The following WLS variants were observed in gnomAD, a reference collection of about 807,000 sequenced individuals.
WLS encodes the protein Wnt ligand secretion mediator.
In WLS, 23 loss-of-function variants were observed where a neutral mutation model predicts 62.8. That is an observed-to-expected ratio of 0.37 (90% CI 0.26 to 0.52). WLS has a LOEUF of 0.52. Ranked by LOEUF, WLS falls within the 20% of genes least tolerant of loss-of-function variation. The pLI is 0.92. For synonymous variants in WLS, 246 were observed against 244.1 expected, an observed-to-expected ratio of 1.01 and a Z score of -0.07; for missense variants, 615 against 697.3, an observed-to-expected ratio of 0.88 and a Z score of 1.33.
chr1:68,186,415 C>A, intron 2 of WLS: 1 of 350,338 alleles, frequency 2.9e-6, no homozygotes, highest in Non-Finnish European at 5.6e-6. Context: ...TATTATAAAC[C>A]CAAGCTTTAA....
At chr1:68,134,516 T>C (rs1646576941) in intron 11 of WLS, among the ~76,000 whole-genome samples, 1 of 152,204 alleles carries the variant, frequency 6.6e-6, no homozygotes, top group Non-Finnish European at 1.5e-5. Flanking sequence ...GCCTGAAGAA[T>C]GTTTTTTCAC....
intron 1 of WLS, among the ~76,000 whole-genome samples, chr1:68,222,076 CT>C (rs1649964463): frequency 6.6e-6 from 1 of 152,160 alleles, no homozygotes; most frequent in Admixed American, 6.5e-5. Context: ...GGAATTATGC[CT>C]GCCACAAACA....
intron 2 of WLS, among the ~76,000 whole-genome samples, chr1:68,191,604 A>T (rs1195623988): frequency 6.6e-6 from 1 of 152,156 alleles, no homozygotes; most frequent in East Asian, 1.9e-4. Flanking sequence ...GTGATCTTAT[A>T]TCCCCAGTAC....
At chr1:68,152,811 A>G (rs1260461634) in intron 5 of WLS, among the ~76,000 whole-genome samples, 1 of 152,216 alleles carries the variant, frequency 6.6e-6, no homozygotes, top group African/African-American at 2.4e-5. Context: ...ATATTAATAG[A>G]ATCCAGCAGA....
intron 11 of WLS, among the ~76,000 whole-genome samples, chr1:68,127,530 A>G (rs747896369): frequency 3.3e-5 from 5 of 152,028 alleles, no homozygotes; most frequent in Non-Finnish European, 5.9e-5. Context: ...GAATGTATAA[A>G]CAACAAAGGG....
In WLS at chr1:68,133,312, C is replaced by T. The variant is rs149625646; in HGVS notation, c.1516+4468G>A. The stretch of plus-strand genomic sequence containing the variant: ...TAGGAAGGAACCCAGGGGAAGTCCA[C>T]GAAAGCCTGTGGCTATAAAGAATGT... On this transcript the variant is annotated intron_variant, in intron 11 of 11. Coordinates refer to ENST00000262348, the MANE Select transcript of WLS (RefSeq NM_024911.7). Among the ~76,000 whole-genome samples the T allele has an allele frequency of 5.3e-5, 8 of 152,278 alleles. No individual in the cohort carries two copies. In the East Asian group the frequency reaches 7.7e-4, roughly 15 times the overall value.
At chr1:68,118,435 G>T (rs1241129440) in intron 11 of WLS, among the ~76,000 whole-genome samples, 1 of 152,176 alleles carries the variant, frequency 6.6e-6, no homozygotes, top group Non-Finnish European at 1.5e-5. Context: ...ATGCTTACAG[G>T]TGTCCATGAT....
At chr1:68,101,553 C>T (rs1046653008) in intron 11 of WLS, among the ~76,000 whole-genome samples, 1 of 152,320 alleles carries the variant, frequency 6.6e-6, no homozygotes, top group African/African-American at 2.4e-5. Context: ...AATTCAACCA[C>T]TCACTCTAGT....
chr1:68,192,940 CAAA>C (rs112624515), intron 2 of WLS, among the ~76,000 whole-genome samples: 30,714 of 126,684 alleles, frequency 0.24, 3,637 homozygotes, highest in East Asian at 0.31. Context: ...ACTAAAAATA[CAAA>C]AAAAAAAAAA....
At chr1:68,196,370 AG>A (rs886952599) in intron 1 of WLS, among the ~76,000 whole-genome samples, 1 of 152,022 alleles carries the variant, frequency 6.6e-6, no homozygotes, top group Non-Finnish European at 1.5e-5. Context: ...GTTAAAAGAA[AG>A]TGTCATCAAT....
At chr1:68,225,719 G>A (rs1650114949) in intron 1 of WLS, among the ~76,000 whole-genome samples, 1 of 152,176 alleles carries the variant, frequency 6.6e-6, no homozygotes, top group Non-Finnish European at 1.5e-5. Flanking sequence ...AGAATTTTCA[G>A]CTTTCAGTAA....
chr1:68,207,311 T>G (rs999250439), intron 1 of WLS, among the ~76,000 whole-genome samples: 1 of 152,200 alleles, frequency 6.6e-6, no homozygotes, highest in South Asian at 2.1e-4. Flanking sequence ...ATGAAATAAT[T>G]TGGATCATGT....
intron 11 of WLS, among the ~76,000 whole-genome samples, chr1:68,115,516 G>C (rs927228285): frequency 6.6e-6 from 1 of 152,162 alleles, no homozygotes; most frequent in African/African-American, 2.4e-5. Context: ...AGTGCTGGCT[G>C]TGTGACACAG....
intron 1 of WLS, among the ~76,000 whole-genome samples, chr1:68,197,578 T>C (rs547377701): frequency 1.3e-5 from 2 of 152,286 alleles, no homozygotes; most frequent in South Asian, 4.1e-4. Flanking sequence ...TATTCAAACA[T>C]GGACAGTTAA....
At chr1:68,134,262 G>A (rs1646573666) in intron 11 of WLS, among the ~76,000 whole-genome samples, 1 of 152,142 alleles carries the variant, frequency 6.6e-6, no homozygotes, top group Non-Finnish European at 1.5e-5. Context: ...GGTGGCAGAT[G>A]AAGAGATGAA....
At chr1:68,144,737 A>C in intron 9 of WLS, 85 bp from the exon 10 acceptor site, 1 of 1,151,136 alleles carries the variant, frequency 8.7e-7, no homozygotes, top group South Asian at 1.4e-5. Flanking sequence ...GCTTAATTTT[A>C]AAGAAATCTG....
chr1:68,186,962 C>A (rs956148510), intron 2 of WLS, among the ~76,000 whole-genome samples: 4 of 151,664 alleles, frequency 2.6e-5, no homozygotes, highest in Admixed American at 6.6e-5. Context: ...CTGTAATCCC[C>A]GCATTTTGGG....
intron 1 of WLS, among the ~76,000 whole-genome samples, chr1:68,195,640 A>T (rs1648618396): frequency 6.6e-6 from 1 of 152,252 alleles, no homozygotes; most frequent in East Asian, 1.9e-4. Flanking sequence ...TAAACTTTCC[A>T]TCTGCTATCT....
intron 2 of WLS, among the ~76,000 whole-genome samples, chr1:68,160,861 A>AT (rs542833219): frequency 5.3e-5 from 8 of 152,220 alleles, no homozygotes; most frequent in Non-Finnish European, 1.2e-4. Context: ...ATCTAATAGG[A>AT]TTTGTTAAAA....
Sources: gnomAD v4.1 joint callset for allele counts (sites outside exome capture counted in the v4.1 genomes callset) on GRCh38, gnomAD v4.1.1 for gene constraint, MANE v1.5 for transcripts, NCBI Gene and HGNC (gene_info 2026-07-23, HGNC 2026-07-21) for gene names.